The following RARB variants were observed in gnomAD, a reference collection of about 807,000 sequenced individuals.
RARB encodes retinoic acid receptor beta.
A neutral mutation model predicts 51.9 loss-of-function variants in RARB; 17 were observed. That is an observed-to-expected ratio of 0.33 (90% CI 0.22 to 0.49). RARB has a LOEUF of 0.49. RARB is among the 20% of genes least tolerant of loss of function. The pLI, the probability that RARB is intolerant of heterozygous loss-of-function variation, is 0.99. For missense variants in RARB, 369 were observed against 550.8 expected (o/e 0.67, Z 3.30); for synonymous variants, 215 against 195.4 (o/e 1.10, Z -0.84).
At chr3:25,335,708 T>A (rs1268077692) in intron 5 of RARB, among the ~76,000 whole-genome samples, 1 of 152,200 alleles carries the variant, frequency 6.6e-6, no homozygotes, top group African/African-American at 2.4e-5. Flanking sequence ...TTGCCAGAAT[T>A]TCACATTTAC....
chr3:25,573,483 G>C (rs1700792923), intron 4 of RARB, among the ~76,000 whole-genome samples: 1 of 152,216 alleles, frequency 6.6e-6, no homozygotes, highest in Non-Finnish European at 1.5e-5. Context: ...TCCTTCCGGA[G>C]GCCTGCTGCC....
intron 2 of RARB, among the ~76,000 whole-genome samples, chr3:25,020,660 G>A (rs973989498): frequency 3.3e-5 from 5 of 151,938 alleles, no homozygotes; most frequent in African/African-American, 1.2e-4. Flanking sequence ...ATTGCATATA[G>A]GCTTTTGAAG....
chr3:25,223,855 C>T (rs1701998823), intron 5 of RARB, among the ~76,000 whole-genome samples: 1 of 152,166 alleles, frequency 6.6e-6, no homozygotes, highest in Non-Finnish European at 1.5e-5. Context: ...TTTTCCTATC[C>T]AGTGTATTTT....
At chr3:24,870,711 C>T (rs1228778559) in intron 2 of RARB, among the ~76,000 whole-genome samples, 2 of 151,992 alleles carry the variant, frequency 1.3e-5, no homozygotes, top group African/African-American at 4.8e-5. Flanking sequence ...TGGATGAGTA[C>T]TTTTTACTGC....
chr3:25,213,437 A>G (rs374320694), intron 5 of RARB, among the ~76,000 whole-genome samples: 29 of 152,280 alleles, frequency 1.9e-4, no homozygotes, highest in East Asian at 1.7e-3. Context: ...CATTGTATGA[A>G]TATACCACAT....
rs1407637287 is a variant in RARB, at chr3:25,596,688, T to C, written c.*72T>C. 3 of 1,330,712 alleles carry C rather than the reference T, an allele frequency of 2.3e-6. No individual in the cohort carries two copies. In the East Asian group the frequency reaches 7.1e-5, roughly 31 times the overall value. The allele number at this position is 1,330,712 out of a possible 1,614,324, so 82.4% of individuals were successfully genotyped here. A position where few individuals can be genotyped will look rare whatever the true frequency, so the allele number is the denominator to read the frequency against. On this transcript the variant is annotated 3_prime_UTR_variant, in exon 8 of 8. Coordinates refer to ENST00000330688, the MANE Select transcript of RARB (RefSeq NM_000965.5). ...GGATTTAAAATGCAAGAAAAAACAT[T>C]TTTACTGCTGCTTAGTTTTTGGACT...
At chr3:25,020,656 T>C (rs1048337876) in intron 2 of RARB, among the ~76,000 whole-genome samples, 2 of 152,174 alleles carry the variant, frequency 1.3e-5, no homozygotes, top group Admixed American at 1.3e-4. Flanking sequence ...TTTCATTGCA[T>C]ATAGGCTTTT....
rs142183325 is a variant in RARB at position 25,587,085 on chromosome 3, C to A, written c.786+6363C>A. On this transcript the variant is annotated intron_variant, in intron 5 of 7. Coordinates refer to ENST00000330688, the MANE Select transcript of RARB (RefSeq NM_000965.5). ...AGTGAACTTAGGGAAGCTAACTGAC[C>A]TCTCTAAGCCTCAGTTTCCTCACCA... is the stretch of plus-strand genomic sequence containing the variant. Among the ~76,000 whole-genome samples the A allele has an allele frequency of 2.7e-3, 405 of 152,316 alleles. 1 individual carries two copies. The highest frequency in any genetic ancestry group is 9.2e-3 in the African/African-American group (383 of 41,556).
intron 5 of RARB, among the ~76,000 whole-genome samples, chr3:25,378,881 GA>G (rs143523503): frequency 6.6e-6 from 1 of 152,086 alleles, no homozygotes; most frequent in Non-Finnish European, 1.5e-5. Flanking sequence ...AGCTTGAGAG[GA>G]AAAAAACCTG....
Position 24,899,027 on chromosome 3 carries a change from C to T in RARB, c.-380+40275C>T, listed in dbSNP as rs542111806. On this transcript the variant is annotated intron_variant, in intron 2 of 11. Transcript: ENST00000383772. The stretch of plus-strand genomic sequence containing the variant: ...TACTCAAGGTTGTCAAAGTGTGGTC[C>T]GCAGACCAGCAGCAGTAGCATGATC... Among the ~76,000 whole-genome samples the T allele has an allele frequency of 2.8e-3, 431 of 152,224 alleles. 2 individuals carry two copies. The highest frequency in any genetic ancestry group is 4.5e-3 in the Non-Finnish European group (309 of 68,028).
intron 2 of RARB, among the ~76,000 whole-genome samples, chr3:24,986,780 A>G (rs1696802208): frequency 1.3e-5 from 2 of 152,156 alleles, no homozygotes; most frequent in South Asian, 4.1e-4. Flanking sequence ...CAGCATGGTG[A>G]TTCACATCGC....
At chr3:25,043,117 A>G (rs942738737) in intron 2 of RARB, among the ~76,000 whole-genome samples, 2 of 152,208 alleles carry the variant, frequency 1.3e-5, no homozygotes, top group Non-Finnish European at 2.9e-5. Flanking sequence ...TTAAGCTTCC[A>G]TGTTGCTCTC....
intron 2 of RARB, among the ~76,000 whole-genome samples, chr3:24,917,214 G>C (rs1383786738): frequency 6.6e-6 from 1 of 152,010 alleles, no homozygotes; most frequent in Non-Finnish European, 1.5e-5. Flanking sequence ...CTAAATGTAA[G>C]AGCTAAAATC....
chr3:24,906,674 C>G (rs1215457372), intron 2 of RARB, among the ~76,000 whole-genome samples: 1 of 151,826 alleles, frequency 6.6e-6, no homozygotes, highest in Non-Finnish European at 1.5e-5. Flanking sequence ...GAAACCCTGT[C>G]TTTTCTAAAA....
chr3:24,942,437 AC>A (rs201790660), intron 2 of RARB, among the ~76,000 whole-genome samples: 2 of 152,340 alleles, frequency 1.3e-5, no homozygotes, highest in East Asian at 3.9e-4. Context: ...TGGGATGCAC[AC>A]AGACTCGAGT....
intron 3 of RARB, among the ~76,000 whole-genome samples, chr3:25,532,088 G>A (rs1022559362): frequency 1.3e-5 from 2 of 152,046 alleles, no homozygotes; most frequent in Non-Finnish European, 2.9e-5. Context: ...ATTTTATTTT[G>A]TGTCAATTTG....
At chr3:25,206,015 G>A (rs893460253) in intron 5 of RARB, among the ~76,000 whole-genome samples, 3 of 152,296 alleles carry the variant, frequency 2.0e-5, no homozygotes, top group African/African-American at 7.2e-5. Context: ...AGGTAGACTA[G>A]GCTAAGCTAT....
chr3:25,574,626 T>C (rs1355885078), intron 4 of RARB, among the ~76,000 whole-genome samples: 2 of 152,180 alleles, frequency 1.3e-5, no homozygotes, highest in East Asian at 3.9e-4. Context: ...AGGTGGGGCC[T>C]GGCGGGAGGT....
chr3:25,293,204 TAA>T (rs1236373628), intron 5 of RARB, among the ~76,000 whole-genome samples: 1 of 152,102 alleles, frequency 6.6e-6, no homozygotes, highest in African/African-American at 2.4e-5. Context: ...GTACTGTAGT[TAA>T]AAATGTGGGC....
Sources: gnomAD v4.1 joint callset for allele counts (sites outside exome capture counted in the v4.1 genomes callset) on GRCh38, gnomAD v4.1.1 for gene constraint, MANE v1.5 for transcripts, NCBI Gene and HGNC (gene_info 2026-07-23, HGNC 2026-07-21) for gene names.